Variants in NTRK2 observed in about 807,000 individuals in gnomAD.
NTRK2 encodes neurotrophic receptor tyrosine kinase 2.
Under a neutral mutation model 94.5 loss-of-function variants are expected in NTRK2, and 13 were observed. That is an observed-to-expected ratio of 0.14 (90% CI 0.09 to 0.22). NTRK2 has a LOEUF of 0.22. Ranked by LOEUF, NTRK2 falls within the 10% of genes least tolerant of loss-of-function variation. NTRK2 has a pLI of 1.00. For synonymous variants in NTRK2, 372 were observed against 407.4 expected, an observed-to-expected ratio of 0.91 and a Z score of 1.05; for missense variants, 639 against 1,071.2, an observed-to-expected ratio of 0.60 and a Z score of 5.63.
chr9:84,955,540 G>A (rs201484586), intron 17 of NTRK2, 23 bp downstream of exon 17: 59 of 1,581,782 alleles, frequency 3.7e-5, no homozygotes, highest in Non-Finnish European at 2.4e-5. Flanking sequence ...GCAGATCAGA[G>A]ACCCCAGGGA....
intron 13 of NTRK2, among the ~76,000 whole-genome samples, chr9:84,865,027 C>T (rs1194849957): frequency 6.6e-6 from 1 of 152,112 alleles, no homozygotes; most frequent in Non-Finnish European, 1.5e-5. Context: ...ATGTGAGCCA[C>T]CATGCCCGGC....
At chr9:84,768,291 A>G (rs1017794521) in intron 12 of NTRK2, among the ~76,000 whole-genome samples, 3 of 152,246 alleles carry the variant, frequency 2.0e-5, no homozygotes, top group Admixed American at 6.5e-5. Context: ...TCACTTTAGC[A>G]CTGATTGTAG....
At chr9:84,776,487 G>A (rs894549650) in intron 12 of NTRK2, among the ~76,000 whole-genome samples, 2 of 152,208 alleles carry the variant, frequency 1.3e-5, no homozygotes, top group East Asian at 3.8e-4. Context: ...TTCCCAATGT[G>A]CTGGGATTAC....
intron 9 of NTRK2, among the ~76,000 whole-genome samples, chr9:84,736,524 G>A (rs961447265): frequency 6.6e-6 from 1 of 152,054 alleles, no homozygotes; most frequent in Non-Finnish European, 1.5e-5. Context: ...AAGCTCTCCT[G>A]GCTTTATACT....
At chr9:84,771,516 C>T (rs955955225) in intron 12 of NTRK2, among the ~76,000 whole-genome samples, 2 of 152,028 alleles carry the variant, frequency 1.3e-5, no homozygotes, top group African/African-American at 4.8e-5. Context: ...TGACACAAGC[C>T]CTCTACACAA....
At position 84,928,549 on chromosome 9, in the gene NTRK2, G is replaced by A. The variant is rs17087879; in HGVS notation, c.1634-5613G>A. ...CCCTCTCTGTCTTCAGTATGAATCA[G>A]TGTCCTCTATTTCAGAGTCCAAGGG... is the stretch of plus-strand genomic sequence containing the variant. On this transcript the variant is annotated intron_variant, in intron 14 of 18. Coordinates refer to ENST00000277120, the MANE Select transcript of NTRK2 (RefSeq NM_006180.6). Among the ~76,000 whole-genome samples, 1,250 of 152,270 alleles carry A rather than the reference G, an allele frequency of 8.2e-3. 15 individuals carry two copies. Among genetic ancestry groups the A allele is most frequent in the African/African-American group, 0.024 (981 of 41,558 alleles).
intron 2 of NTRK2, among the ~76,000 whole-genome samples, chr9:84,701,067 A>G (rs143015876): frequency 1.3e-5 from 2 of 152,362 alleles, no homozygotes; most frequent in African/African-American, 4.8e-5. Flanking sequence ...CAGGTACTTA[A>G]ATAACTGTAG....
intron 14 of NTRK2, among the ~76,000 whole-genome samples, chr9:84,896,233 T>C (rs948102797): frequency 1.9e-4 from 29 of 152,230 alleles, no homozygotes; most frequent in African/African-American, 6.5e-4. Flanking sequence ...CATGCATTCA[T>C]TGAGCAGTGA....
At chr9:84,877,539 A>G (rs2076113113) in intron 14 of NTRK2, 1 of 1,066,438 alleles carries the variant, frequency 9.4e-7, no homozygotes, top group Non-Finnish European at 1.1e-6. Context: ...CCCCCCTCCT[A>G]CCAGGGCACT....
intron 2 of NTRK2, among the ~76,000 whole-genome samples, chr9:84,672,079 C>T (rs547380835): frequency 3.9e-5 from 6 of 152,126 alleles, no homozygotes; most frequent in African/African-American, 1.4e-4. Context: ...TGTGGCCTTC[C>T]GGTTGTCGAG....
chr9:84,820,108 A>G (rs2072691870), intron 12 of NTRK2, among the ~76,000 whole-genome samples: 1 of 151,544 alleles, frequency 6.6e-6, no homozygotes, highest in Non-Finnish European at 1.5e-5. Context: ...AAATATGAGT[A>G]TAATTTTTGA....
intron 17 of NTRK2, among the ~76,000 whole-genome samples, chr9:84,989,987 C>T (rs1157827406): frequency 6.6e-6 from 1 of 152,094 alleles, no homozygotes; most frequent in East Asian, 1.9e-4. Flanking sequence ...TACAATATCC[C>T]AACATTGGTG....
chr9:84,915,115 C>G (rs550132290), intron 14 of NTRK2, among the ~76,000 whole-genome samples: 52 of 152,228 alleles, frequency 3.4e-4, no homozygotes, highest in Non-Finnish European at 6.5e-4. Context: ...ATGCCGCTGC[C>G]GATCTAACAG....
intron 12 of NTRK2, chr9:84,810,438 A>G: frequency 9.5e-7 from 1 of 1,048,198 alleles, no homozygotes; most frequent in Non-Finnish European, 1.4e-6. Context: ...CTCATTTTTG[A>G]TGTTTATTTA....
intron 12 of NTRK2, among the ~76,000 whole-genome samples, chr9:84,860,459 T>A (rs2075280215): frequency 6.6e-6 from 1 of 152,154 alleles, no homozygotes; most frequent in Non-Finnish European, 1.5e-5. Context: ...AAGATCTTTT[T>A]TTCCCTCCCT....
At chr9:84,763,236 G>C (rs1296054270) in intron 12 of NTRK2, among the ~76,000 whole-genome samples, 1 of 152,100 alleles carries the variant, frequency 6.6e-6, no homozygotes, top group Non-Finnish European at 1.5e-5. Context: ...GGGTCCTCAG[G>C]ATTCTTCTTT....
At chr9:84,740,440 G>C (rs1454847486) in intron 9 of NTRK2, among the ~76,000 whole-genome samples, 1 of 152,200 alleles carries the variant, frequency 6.6e-6, no homozygotes, top group African/African-American at 2.4e-5. Context: ...AAATTTACTG[G>C]AATCAATGAC....
intron 2 of NTRK2, among the ~76,000 whole-genome samples, chr9:84,681,006 C>G (rs1433176148): frequency 6.6e-6 from 1 of 152,150 alleles, no homozygotes; most frequent in Admixed American, 6.5e-5. Flanking sequence ...CTTTTCTCTG[C>G]TCTTAAAAAC....
chr9:84,703,864 T>C (rs2060880322), intron 4 of NTRK2, among the ~76,000 whole-genome samples: 1 of 152,216 alleles, frequency 6.6e-6, no homozygotes, highest in Non-Finnish European at 1.5e-5. Context: ...ACAAATCTGA[T>C]GGCTGCATAG....
Sources: allele counts gnomAD v4.1 joint callset (sites outside exome capture counted in the v4.1 genomes callset), GRCh38; gene constraint gnomAD v4.1.1; transcripts MANE v1.5; gene names NCBI Gene and HGNC (gene_info 2026-07-23, HGNC 2026-07-21).